The following GALNTL6 variants were observed in gnomAD, a reference collection of about 807,000 sequenced individuals.
GALNTL6 encodes the protein polypeptide N-acetylgalactosaminyltransferase-like 6.
A neutral mutation model predicts 73.7 loss-of-function variants in GALNTL6; 46 were observed. The ratio of observed to expected loss-of-function variants is 0.62; its 90% CI spans 0.49 to 0.80. The LOEUF (loss-of-function observed/expected upper bound fraction) is 0.80. GALNTL6 is among the 30% of genes least tolerant of loss of function. GALNTL6 has a pLI of 0.00. For missense variants in GALNTL6, 604 were observed against 755.0 expected (o/e 0.80, Z 2.34); for synonymous variants, 259 against 263.7 (o/e 0.98, Z 0.17).
intron 5 of GALNTL6, among the ~76,000 whole-genome samples, chr4:172,609,633 G>C (rs1006309227): frequency 2.2e-4 from 32 of 147,576 alleles, no homozygotes; most frequent in African/African-American, 3.2e-4. Flanking sequence ...CTCTGTGTGT[G>C]TGTGTGTGTG....
chr4:172,852,253 T>G (rs759381407), intron 7 of GALNTL6, among the ~76,000 whole-genome samples: 1 of 152,108 alleles, frequency 6.6e-6, no homozygotes, highest in Non-Finnish European at 1.5e-5. Flanking sequence ...GGGGCAGCCT[T>G]ATTTGAGGGG....
intron 2 of GALNTL6, among the ~76,000 whole-genome samples, chr4:171,911,347 T>C (rs1376027910): frequency 1.3e-5 from 2 of 152,036 alleles, no homozygotes; most frequent in African/African-American, 4.8e-5. Flanking sequence ...TTTGTAGAAA[T>C]GAGATTTCAA....
intron 5 of GALNTL6, among the ~76,000 whole-genome samples, chr4:172,744,840 CGTGTGTGTGTGTGTGTGTGT>C (rs3084334): frequency 5.5e-4 from 82 of 149,368 alleles, no homozygotes; most frequent in African/African-American, 1.8e-3. Flanking sequence ...AGTGCGCGTG[CGTGTGTGTGTGTGTGTGTGT>C]GTGTGTGTGT....
chr4:173,015,275 T>C (rs1188297433), intron 11 of GALNTL6, among the ~76,000 whole-genome samples: 1 of 152,204 alleles, frequency 6.6e-6, no homozygotes, highest in Non-Finnish European at 1.5e-5. Flanking sequence ...GGTAGGGTGC[T>C]GCTATAAGGA....
intron 2 of GALNTL6, among the ~76,000 whole-genome samples, chr4:171,878,369 A>T (rs756931354): frequency 1.3e-5 from 2 of 152,274 alleles, no homozygotes; most frequent in South Asian, 2.1e-4. Context: ...GTTATATTTT[A>T]ATTCATGTAA....
At chr4:172,075,680 C>A (rs1338952736) in intron 2 of GALNTL6, among the ~76,000 whole-genome samples, 1 of 151,900 alleles carries the variant, frequency 6.6e-6, no homozygotes, top group African/African-American at 2.4e-5. Flanking sequence ...TAAAGTTTGC[C>A]GATAGTTTCT....
chr4:171,860,762 C>T (rs1015828252), intron 2 of GALNTL6, among the ~76,000 whole-genome samples: 3 of 152,096 alleles, frequency 2.0e-5, no homozygotes, highest in Admixed American at 6.5e-5. Context: ...GGATCTGTTT[C>T]GGTTCTGTTC....
chr4:172,358,648 G>A (rs1396997783), intron 5 of GALNTL6, among the ~76,000 whole-genome samples: 2 of 152,054 alleles, frequency 1.3e-5, no homozygotes, highest in African/African-American at 4.8e-5. Flanking sequence ...CTGAACCATT[G>A]CAACATACTC....
At chr4:172,787,050 A>G (rs960557390) in intron 5 of GALNTL6, among the ~76,000 whole-genome samples, 1 of 152,146 alleles carries the variant, frequency 6.6e-6, no homozygotes, top group Non-Finnish European at 1.5e-5. Context: ...GCTGCCCACC[A>G]CTGCTACTGC....
chr4:172,889,170 G>T (rs1287226985), intron 8 of GALNTL6, among the ~76,000 whole-genome samples: 1 of 152,050 alleles, frequency 6.6e-6, no homozygotes, highest in African/African-American at 2.4e-5. Context: ...CAGAGTCTGC[G>T]GGGTTTTCTA....
intron 2 of GALNTL6, among the ~76,000 whole-genome samples, chr4:172,016,834 T>C (rs576620848): frequency 3.5e-4 from 53 of 152,094 alleles, no homozygotes; most frequent in African/African-American, 1.0e-3. Flanking sequence ...CTTCTAGGGG[T>C]GAACACTCTG....
intron 2 of GALNTL6, among the ~76,000 whole-genome samples, chr4:171,910,023 T>C (rs1737426005): frequency 6.6e-6 from 1 of 152,180 alleles, no homozygotes; most frequent in East Asian, 1.9e-4. Flanking sequence ...TAAATATGAA[T>C]ACATGAATAA....
intron 5 of GALNTL6, among the ~76,000 whole-genome samples, chr4:172,634,058 A>C (rs1183091207): frequency 1.3e-5 from 2 of 152,304 alleles, no homozygotes; most frequent in Non-Finnish European, 2.9e-5. Flanking sequence ...TTCATAACTT[A>C]TCTAATGTAG....
chr4:172,358,857 C>A (rs1291898646), intron 5 of GALNTL6, among the ~76,000 whole-genome samples: 17 of 85,548 alleles, frequency 2.0e-4, no homozygotes, highest in Non-Finnish European at 2.7e-4. Context: ...ATTAAAAAGT[C>A]AAAAAAAAAA....
chr4:172,603,766 A>G (rs1369117173), intron 5 of GALNTL6, among the ~76,000 whole-genome samples: 5 of 152,148 alleles, frequency 3.3e-5, no homozygotes, highest in African/African-American at 7.2e-5. Context: ...GCTTGATTCC[A>G]TGGCAGGCAG....
intron 5 of GALNTL6, among the ~76,000 whole-genome samples, chr4:172,580,079 T>C (rs1452460888): frequency 6.6e-6 from 1 of 152,168 alleles, no homozygotes; most frequent in Admixed American, 6.5e-5. Flanking sequence ...AATAATTATA[T>C]ATTAAATGAA....
At chr4:172,731,761 A>T (rs1736161811) in intron 5 of GALNTL6, among the ~76,000 whole-genome samples, 1 of 152,042 alleles carries the variant, frequency 6.6e-6, no homozygotes, top group Admixed American at 6.6e-5. Context: ...TTCAATCAAA[A>T]TTTTTTAAAA....
chr4:172,142,455 G>A (rs553496896), intron 2 of GALNTL6, among the ~76,000 whole-genome samples: 1 of 152,152 alleles, frequency 6.6e-6, no homozygotes, highest in South Asian at 2.1e-4. Context: ...ATTATAAAAC[G>A]TCAAATGTTT....
At chr4:172,405,431 ATATATATATATATTTTTTT>A (rs1307841940) in intron 5 of GALNTL6, among the ~76,000 whole-genome samples, 31 of 4,274 alleles carry the variant, frequency 7.3e-3, no homozygotes, top group African/African-American at 0.013. Flanking sequence ...ATATATATAT[ATATATATATATATTTTTTT>A]TTTTTTTTTT....
Sources: gnomAD v4.1 joint callset for allele counts (sites outside exome capture counted in the v4.1 genomes callset) on GRCh38, gnomAD v4.1.1 for gene constraint, MANE v1.5 for transcripts, NCBI Gene and HGNC (gene_info 2026-07-23, HGNC 2026-07-21) for gene names.